DMXL1: variants seen among roughly 807,000 people sequenced by gnomAD.
The protein encoded by DMXL1 is Dmx like 1.
DMXL1 carries 99 observed loss-of-function variants against 319.2 expected under a neutral mutation model. The observed-to-expected ratio is 0.31, with a 90% confidence interval of 0.26 to 0.37. The LOEUF (loss-of-function observed/expected upper bound fraction) is 0.37, where lower values mean the gene tolerates loss of function less well. Among genes scored for constraint, DMXL1 ranks in the 10% least tolerant of loss-of-function variants. DMXL1 has a pLI of 1.00. For synonymous variants in DMXL1, 1,385 were observed against 1,235.2 expected (o/e 1.12, Z -2.54); for missense variants, 3,745 against 3,595.6 (o/e 1.04, Z -1.06).
intron 5 of DMXL1, among the ~76,000 whole-genome samples, chr5:119,110,749 C>T (rs1213975348): frequency 1.3e-5 from 2 of 152,056 alleles, no homozygotes; most frequent in African/African-American, 4.8e-5. Context: ...TGAAGATTTG[C>T]AGTATAGTAA....
At chr5:119,196,512 G>GTTTTTT in intron 31 of DMXL1, 56 bp downstream of exon 31, 1 of 656,602 alleles carries the variant, frequency 1.5e-6, no homozygotes, top group Non-Finnish European at 2.4e-6. Flanking sequence ...TTACTACTCT[G>GTTTTTT]TTGTTTTTTT....
At chr5:119,097,131 A>G (rs928829452) in intron 1 of DMXL1, among the ~76,000 whole-genome samples, 1 of 152,210 alleles carries the variant, frequency 6.6e-6, no homozygotes, top group African/African-American at 2.4e-5. Context: ...TGTAAAAAGG[A>G]ACAGAAACAA....
chr5:119,103,625 A>G (rs527540298), intron 3 of DMXL1, among the ~76,000 whole-genome samples: 3 of 152,294 alleles, frequency 2.0e-5, no homozygotes, highest in African/African-American at 7.2e-5. Context: ...TAGTGTTCAC[A>G]CTTCTGATTT....
chr5:119,152,306 AGT>A, intron 19 of DMXL1, among the ~76,000 whole-genome samples: 1 of 152,158 alleles, frequency 6.6e-6, no homozygotes, highest in Non-Finnish European at 1.5e-5. Flanking sequence ...AAGGCAAATT[AGT>A]ATTGTTTCAT....
intron 1 of DMXL1, among the ~76,000 whole-genome samples, chr5:119,092,188 C>G (rs76147236): frequency 6.6e-6 from 1 of 152,156 alleles, no homozygotes; most frequent in African/African-American, 2.4e-5. Context: ...GCCCCAGGAA[C>G]TGTCTTGTCT....
intron 35 of DMXL1, among the ~76,000 whole-genome samples, chr5:119,220,010 CTTTT>C (rs5870841): frequency 7.1e-6 from 1 of 140,096 alleles, no homozygotes; most frequent in Non-Finnish European, 1.6e-5. Context: ...TTTCCCACTT[CTTTT>C]TTTTTTTTTT....
At chr5:119,223,879 T>A (rs1052733026) in intron 37 of DMXL1, among the ~76,000 whole-genome samples, 8 of 152,286 alleles carry the variant, frequency 5.3e-5, no homozygotes, top group African/African-American at 1.7e-4. Flanking sequence ...ACAGAAGTCA[T>A]ATGCAGCAGG....
intron 10 of DMXL1, 133 bp from the exon 11 acceptor site, chr5:119,132,999 G>A (rs1016405195): frequency 3.6e-6 from 3 of 835,656 alleles, no homozygotes; most frequent in Non-Finnish European, 3.7e-6. Flanking sequence ...TGTGGCGGAA[G>A]GGGTACAGAG....
intron 1 of DMXL1, chr5:119,081,629 T>A: frequency 1.0e-6 from 1 of 985,044 alleles, no homozygotes; most frequent in Non-Finnish European, 1.2e-6. Flanking sequence ...GAAGTTAATG[T>A]GAAGAAGATA....
intron 13 of DMXL1, among the ~76,000 whole-genome samples, chr5:119,138,071 T>G (rs1447170340): frequency 1.3e-5 from 2 of 152,118 alleles, no homozygotes; most frequent in Non-Finnish European, 2.9e-5. Flanking sequence ...AGATTAGACG[T>G]GGGATGCGGA....
At position 119,118,801 on chromosome 5, in the gene DMXL1, T is replaced by A. The variant is rs201520761; in HGVS notation, c.744-14T>A. On this transcript the variant is annotated splice_polypyrimidine_tract_variant and intron_variant, in intron 7 of 43. Coordinates refer to ENST00000539542, the MANE Select transcript of DMXL1 (RefSeq NM_001290321.3). ...AATTTGTATTTTTGCTTCTAAAATC[T>A]TTTCATTCCTTAGGGCTTCTGTATG... The A allele has an allele frequency of 6.4e-7, 1 of 1,568,272 alleles. No individual in the cohort carries two copies. The highest frequency in any genetic ancestry group is 2.3e-5 in the East Asian group (1 of 44,128).
rs1003711074 is a variant in DMXL1, at chr5:119,149,708, G to A, written c.3881G>A (p.Cys1294Tyr). 3.1e-6 allele frequency: 5 copies of A among 1,613,906 alleles called. No homozygotes were observed. The highest frequency in any genetic ancestry group is 4.2e-6 in the Non-Finnish European group (5 of 1,179,962). Residue 1294 changes from cysteine (C) to tyrosine (Y), a missense_variant, in exon 18 of 44, where the codon TGT becomes TAT. This residue lies in a region of DMXL1 where 2,096 missense variants were observed against 1,985.4 expected (regional missense o/e 1.06). Transcript: ENST00000539542. ...ATGACCAGTCTTGCACAGAAAATCT[G>A]TGGAAAGAAAACTGCATTCGATCCT... The part of the protein sequence containing the change: ...RSMTSLAQKI[C>Y]GKKTAFDPSV...
chr5:119,204,900 C>T (rs1781488838), intron 33 of DMXL1, among the ~76,000 whole-genome samples: 1 of 152,202 alleles, frequency 6.6e-6, no homozygotes, highest in Non-Finnish European at 1.5e-5. Context: ...GCAAGATTGA[C>T]ATCTAACCTT....
intron 1 of DMXL1, among the ~76,000 whole-genome samples, chr5:119,097,525 G>T (rs1323250288): frequency 6.6e-6 from 1 of 152,082 alleles, no homozygotes; most frequent in African/African-American, 2.4e-5. Flanking sequence ...AGACCATCCT[G>T]GCTAACACGG....
At chr5:119,217,092 G>A (rs1003638751) in intron 35 of DMXL1, 105 bp downstream of exon 35, 1 of 607,314 alleles carries the variant, frequency 1.6e-6, no homozygotes, top group African/African-American at 1.9e-5. Context: ...GCTGCTTCCA[G>A]TTCCTTAAAT....
intron 1 of DMXL1, among the ~76,000 whole-genome samples, chr5:119,080,239 C>G (rs925844836): frequency 2.6e-5 from 4 of 151,948 alleles, no homozygotes; most frequent in African/African-American, 9.7e-5. Context: ...CTCAGCTACT[C>G]GGGAGGTTGA....
intron 4 of DMXL1, among the ~76,000 whole-genome samples, chr5:119,108,831 C>T (rs553745606): frequency 1.1e-4 from 16 of 151,556 alleles, no homozygotes; most frequent in East Asian, 5.8e-4. Flanking sequence ...GGTGGTGTTT[C>T]GCTCTTGTTG....
At chr5:119,173,019 G>T (rs1319880692) in intron 25 of DMXL1, among the ~76,000 whole-genome samples, 13 of 152,074 alleles carry the variant, frequency 8.5e-5, no homozygotes, top group Admixed American at 8.5e-4. Flanking sequence ...CATACCTGTG[G>T]TGTATCAGTT....
Position 119,150,078 on chromosome 5 carries a change from T to C in DMXL1, c.4251T>C (p.Asp1417=). 6.2e-7 allele frequency: 1 copy of C among 1,613,852 alleles called. No homozygotes were observed. The highest frequency in any genetic ancestry group is 1.6e-4 in the Middle Eastern group (1 of 6,062). ...ATGCCTTACTTGCAGCAGATGATGA[T>C]AGCTGTTACTCATCTTTGGAGAAAT... ...PLYALLAADD[D]SCYSSLEKSS... The change falls in exon 18 of 44, where the codon GAT becomes GAC. Residue 1417 remains aspartate (D), a synonymous_variant. Transcript: ENST00000539542.
Sources: allele counts gnomAD v4.1 joint callset (sites outside exome capture counted in the v4.1 genomes callset), GRCh38; gene constraint gnomAD v4.1.1; regional missense constraint gnomAD v4.1.1; transcripts MANE v1.5; gene names NCBI Gene and HGNC (gene_info 2026-07-23, HGNC 2026-07-21).